The following LAMP2 variants were observed in gnomAD, a reference collection of about 807,000 sequenced individuals.
LAMP2 encodes the protein lysosome associated membrane protein 2, also known as lysosome-associated membrane glycoprotein 2.
Under a neutral mutation model 25.6 loss-of-function variants are expected in LAMP2, and 4 were observed. The ratio of observed to expected loss-of-function variants is 0.16; its 90% confidence interval spans 0.08 to 0.36. The LOEUF (loss-of-function observed/expected upper bound fraction) is 0.36, where lower values mean the gene tolerates loss of function less well. LAMP2 is among the 10% of genes least tolerant of loss of function. The pLI is 1.00. For synonymous variants in LAMP2, 108 were observed against 112.7 expected (o/e 0.96, Z 0.27); for missense variants, 272 against 301.4 (o/e 0.90, Z 0.72).
At chrX:120,455,631 T>C in intron 2 of LAMP2, 61 bp from the exon 3 acceptor site, 1 of 893,917 alleles carries the variant, frequency 1.1e-6, no homozygotes, top group Non-Finnish European at 1.6e-6. Context: ...ACCAAGCATT[T>C]ATGTAGGGCA....
chrX:120,456,874 A>G (rs763895255), intron 1 of LAMP2, 105 bp from the exon 2 acceptor site: 2 of 450,622 alleles, frequency 4.4e-6, no homozygotes, highest in Non-Finnish European at 7.8e-6. Context: ...TCTAAAATGA[A>G]ACAAAAGTAT....
intron 1 of LAMP2, among the ~76,000 whole-genome samples, chrX:120,457,856 G>A (rs1921160894): frequency 8.9e-6 from 1 of 112,230 alleles, no homozygotes; most frequent in Non-Finnish European, 1.9e-5. Context: ...GTCATCTACA[G>A]GTACAGACTT....
At chrX:120,458,315 A>AT (rs1327541207) in intron 1 of LAMP2, among the ~76,000 whole-genome samples, 1 of 112,056 alleles carries the variant, frequency 8.9e-6, no homozygotes, top group Non-Finnish European at 1.9e-5. Flanking sequence ...TGTATTAATC[A>AT]TTTTCTTTCC....
intron 8 of LAMP2, chrX:120,437,045 A>G (rs920274134): frequency 3.1e-5 from 23 of 739,121 alleles, no homozygotes; most frequent in Non-Finnish European, 3.7e-5. Flanking sequence ...ATTTTACACT[A>G]AAACACAGTT....
chrX:120,445,283 G>C (rs1178780103), intron 6 of LAMP2, among the ~76,000 whole-genome samples: 1 of 112,293 alleles, frequency 8.9e-6, no homozygotes, highest in Non-Finnish European at 1.9e-5. Flanking sequence ...GGAATTATTT[G>C]AATGCTGGAA....
intron 8 of LAMP2, among the ~76,000 whole-genome samples, chrX:120,440,943 C>G (rs1172998721): frequency 8.9e-6 from 1 of 112,112 alleles, no homozygotes; most frequent in Non-Finnish European, 1.9e-5. Context: ...CTTTTAAACA[C>G]AGCTTCCACA....
intron 6 of LAMP2, 56 bp downstream of exon 6, chrX:120,446,249 A>T: frequency 9.5e-7 from 1 of 1,050,174 alleles, no homozygotes. Flanking sequence ...AACTATTTAG[A>T]CTTTCAGATG....
chrX:120,438,812 CTT>C, intron 8 of LAMP2: 1 of 834,064 alleles, frequency 1.2e-6, no homozygotes. Context: ...AAAAAAATCT[CTT>C]TTTCAAAAAT....
intron 3 of LAMP2, among the ~76,000 whole-genome samples, chrX:120,449,444 G>A (rs1018624807): frequency 8.9e-6 from 1 of 111,820 alleles, no homozygotes; most frequent in African/African-American, 3.3e-5. Context: ...GTGAAACCTC[G>A]TCTCTACTAA....
rs965552504 is a variant in LAMP2, at chrX:120,426,267, T to A, written c.*5056A>T. ...TGCAGGTATTAATTGGTTCTCTAAA[T>A]CGATACATCCAAAACTTTAGTTAGC... On this transcript the variant is annotated 3_prime_UTR_variant, in exon 9 of 9. Transcript: ENST00000200639. Among the ~76,000 whole-genome samples, 3 of 102,337 alleles carry A rather than the reference T, an allele frequency of 2.9e-5. No individual in the cohort carries two copies. The highest frequency in any genetic ancestry group is 1.1e-4 in the African/African-American group (3 of 27,886). 88.9% of individuals were successfully genotyped at this position (102,337 alleles called of 115,157 possible).
intron 1 of LAMP2, among the ~76,000 whole-genome samples, chrX:120,460,688 C>T (rs1003316481): frequency 1.4e-4 from 16 of 111,981 alleles, no homozygotes; most frequent in African/African-American, 4.2e-4. Flanking sequence ...GGGTGGTTCA[C>T]GCCTGTAATC....
intron 8 of LAMP2, among the ~76,000 whole-genome samples, chrX:120,440,891 A>G (rs888517410): frequency 8.9e-6 from 1 of 112,385 alleles, no homozygotes; most frequent in Non-Finnish European, 1.9e-5. Context: ...CTAGGTATTC[A>G]ACACCACTGC....
chrX:120,469,000 G>C, intron 1 of LAMP2, 106 bp downstream of exon 1: 1 of 915,490 alleles, frequency 1.1e-6, no homozygotes, highest in Non-Finnish European at 1.6e-6. Context: ...GTTAGCTGCT[G>C]AGCCTCTCAA....
chrX:120,441,858 T>C lies in LAMP2; in HGVS notation c.965A>G (p.Asp322Gly), dbSNP rs190221827. ...CATATAAGAACTTCCCAGGGGGGCA[T>C]CCCAGTAGCTGAGATTGTTATTTGC... The part of the protein sequence containing the change: ...SIANNNLSYW[D>G]APLGSSYMCN... The change falls in exon 8 of 9, where the codon GAT (aspartate) becomes GGT (glycine). Residue 322 changes from aspartate (D) to glycine (G), a missense_variant. By Grantham distance (94) the Asp-to-Gly change is moderately conservative (BLOSUM62 -1). Coordinates refer to ENST00000200639, the MANE Select transcript of LAMP2 (RefSeq NM_002294.3). 1 of 1,208,713 alleles carries C rather than the reference T, an allele frequency of 8.3e-7. No homozygotes were observed. The highest frequency in any genetic ancestry group is 3.0e-5 in the East Asian group (1 of 33,779).
At chrX:120,438,294 C>T (rs1261965699) in intron 8 of LAMP2, 1 of 751,773 alleles carries the variant, frequency 1.3e-6, no homozygotes, top group Non-Finnish European at 1.6e-6. Context: ...GAGAAATCTG[C>T]ATTAATTTTA....
intron 6 of LAMP2, among the ~76,000 whole-genome samples, chrX:120,443,726 G>T (rs1175196868): frequency 2.7e-5 from 3 of 112,001 alleles, no homozygotes; most frequent in Non-Finnish European, 5.6e-5. Flanking sequence ...ATGTTACCTT[G>T]TTGGCAAAAG....
Position 120,469,207 on chromosome X carries a change from C to G in LAMP2, c.-38G>C, listed in dbSNP as rs1354020682. ...CAGGCGGCGACGGCGGCGACGGCGG[C>G]GGTACAACAACAGCTGCAACACCAG... On this transcript the variant is annotated 5_prime_UTR_variant, in exon 1 of 9. Coordinates refer to ENST00000200639, the MANE Select transcript of LAMP2 (RefSeq NM_002294.3). 1.7e-6 allele frequency: 2 copies of G among 1,184,073 alleles called. No individual in the cohort carries two copies. The highest frequency in any genetic ancestry group is 2.3e-6 in the Non-Finnish European group (2 of 870,710).
chrX:120,469,303 T>C (rs1921679062), upstream of LAMP2: 2 of 619,447 alleles, frequency 3.2e-6, no homozygotes, highest in African/African-American at 4.4e-5. Flanking sequence ...AAGCCAGGAA[T>C]CGGCGCTTCA....
At chrX:120,449,820 G>A (rs1227377016) in intron 3 of LAMP2, among the ~76,000 whole-genome samples, 1 of 111,159 alleles carries the variant, frequency 9.0e-6, no homozygotes, top group Non-Finnish European at 1.9e-5. Flanking sequence ...CAAATTTGTA[G>A]GGGATAAGCA....
Sources: gnomAD v4.1 joint callset for allele counts (sites outside exome capture counted in the v4.1 genomes callset) on GRCh38, gnomAD v4.1.1 for gene constraint, MANE v1.5 for transcripts, NCBI Gene and HGNC (gene_info 2026-07-23, HGNC 2026-07-21) for gene names.